NEK11: variants seen among roughly 807,000 people sequenced by gnomAD.
The protein encoded by NEK11 is serine/threonine-protein kinase Nek11.
A neutral mutation model predicts 80.7 loss-of-function variants in NEK11; 72 were observed. The observed-to-expected ratio is 0.89, with a 90% confidence interval of 0.74 to 1.08. The LOEUF is 1.08. Among genes scored for constraint, NEK11 ranks in the 50% least tolerant of loss-of-function variants. The pLI, the probability that NEK11 is intolerant of heterozygous loss-of-function variation, is 0.00. For synonymous variants in NEK11, 251 were observed against 260.7 expected, an observed-to-expected ratio of 0.96 and a Z score of 0.36; for missense variants, 764 against 763.6, an observed-to-expected ratio of 1.00 and a Z score of -0.01.
chr3:131,148,584 G>A (rs2088911071), intron 7 of NEK11, among the ~76,000 whole-genome samples: 1 of 151,786 alleles, frequency 6.6e-6, no homozygotes, highest in Non-Finnish European at 1.5e-5. Context: ...ACATTGGTAG[G>A]CAAAAACAAA....
chr3:131,100,351 C>G (rs999764787), intron 4 of NEK11, among the ~76,000 whole-genome samples: 1 of 152,144 alleles, frequency 6.6e-6, no homozygotes, highest in African/African-American at 2.4e-5. Flanking sequence ...AATCCCAGCA[C>G]TTTGGGAGGC....
At chr3:131,173,400 A>T (rs532389927) in intron 14 of NEK11, among the ~76,000 whole-genome samples, 2 of 152,250 alleles carry the variant, frequency 1.3e-5, no homozygotes, top group South Asian at 4.2e-4. Flanking sequence ...ATGCATAGGA[A>T]GCCCCAGGAC....
At chr3:131,319,016 T>C (rs2096871711) in intron 17 of NEK11, among the ~76,000 whole-genome samples, 2 of 151,974 alleles carry the variant, frequency 1.3e-5, no homozygotes, top group Non-Finnish European at 2.9e-5. Flanking sequence ...GGTTTTTGGG[T>C]TGTTTTCAGT....
intron 3 of NEK11, among the ~76,000 whole-genome samples, chr3:131,041,436 C>G (rs908998763): frequency 1.3e-5 from 2 of 152,050 alleles, no homozygotes; most frequent in African/African-American, 4.8e-5. Context: ...AAACTGACAA[C>G]AGTAGATAAT....
intron 3 of NEK11, among the ~76,000 whole-genome samples, chr3:131,062,670 T>G (rs1048332859): frequency 3.3e-5 from 5 of 152,212 alleles, no homozygotes; most frequent in Non-Finnish European, 5.9e-5. Context: ...CAGAACCATG[T>G]GGTATGGACT....
rs1426958048 is a variant in NEK11 at position 131,243,422 on chromosome 3, C to T, written c.1561-14C>T. On this transcript the variant is annotated splice_polypyrimidine_tract_variant and intron_variant, in intron 15 of 17. Coordinates refer to ENST00000383366, the MANE Select transcript of NEK11 (RefSeq NM_024800.5). ...CATACAGGGAAAATAAACATTTCTC[C>T]CTTATTTTGACAGGACAGTGATATC... The T allele has an allele frequency of 6.2e-7, 1 of 1,610,522 alleles. No individual in the cohort carries two copies. Among genetic ancestry groups the T allele is most frequent in the South Asian group, 1.1e-5 (1 of 90,810 alleles).
rs557180055 is a variant in NEK11, at chr3:131,244,819, G to C, written c.1621+1323G>C. Among the ~76,000 whole-genome samples the C allele has an allele frequency of 4.7e-4, 72 of 152,172 alleles. 1 individual carries two copies. In the Middle Eastern group the frequency reaches 0.01, roughly 22 times the overall value. On this transcript the variant is annotated intron_variant, in intron 16 of 17. Transcript: ENST00000383366. ...TGTGCCTGGAGTCCTAACTCCATGGGATGCTGAAACTAGGAGATTCCTTGA... is the reference window on the plus strand; with the variant it reads ...TGTGCCTGGAGTCCTAACTCCATGGCATGCTGAAACTAGGAGATTCCTTGA...
chr3:131,087,567 T>C (rs1195743602), intron 4 of NEK11, among the ~76,000 whole-genome samples: 1 of 152,188 alleles, frequency 6.6e-6, no homozygotes, highest in Non-Finnish European at 1.5e-5. Flanking sequence ...CTAATAGGCC[T>C]GCTAGTAACT....
At chr3:131,050,991 C>T (rs939698058) in intron 3 of NEK11, among the ~76,000 whole-genome samples, 2 of 152,164 alleles carry the variant, frequency 1.3e-5, no homozygotes, top group African/African-American at 4.8e-5. Context: ...TAGAATTGCA[C>T]CACAGCATCC....
intron 17 of NEK11, among the ~76,000 whole-genome samples, chr3:131,296,051 A>G (rs565930924): frequency 4.6e-5 from 7 of 151,970 alleles, no homozygotes; most frequent in Admixed American, 3.3e-4. Flanking sequence ...ATGATGTCCA[A>G]CCTGGTCTTG....
chr3:131,219,983 G>A (rs1046699062), intron 14 of NEK11, among the ~76,000 whole-genome samples: 13 of 152,202 alleles, frequency 8.5e-5, no homozygotes, highest in African/African-American at 3.1e-4. Context: ...GGCAGAATTT[G>A]ATTGCCATCT....
intron 5 of NEK11, among the ~76,000 whole-genome samples, chr3:131,116,917 T>G (rs540685484): frequency 1.3e-5 from 2 of 152,220 alleles, no homozygotes; most frequent in African/African-American, 4.8e-5. Flanking sequence ...TTTCTCCCAT[T>G]CTGTAGGTTG....
At chr3:131,132,506 G>A (rs992036630) in intron 5 of NEK11, among the ~76,000 whole-genome samples, 11 of 151,950 alleles carry the variant, frequency 7.2e-5, no homozygotes, top group African/African-American at 2.7e-4. Context: ...ATAGTTGAAA[G>A]CATATCACCG....
chr3:131,143,910 T>C (rs2087552594), intron 7 of NEK11, among the ~76,000 whole-genome samples: 1 of 152,148 alleles, frequency 6.6e-6, no homozygotes, highest in Admixed American at 6.6e-5. Flanking sequence ...TTCCATAGAT[T>C]GAACTGATTC....
At chr3:131,173,169 T>TGGAGTA (rs2092794908) in intron 14 of NEK11, among the ~76,000 whole-genome samples, 1 of 152,216 alleles carries the variant, frequency 6.6e-6, no homozygotes, top group Non-Finnish European at 1.5e-5. Context: ...GCTCTGCTCA[T>TGGAGTA]GGAGTAATCA....
intron 11 of NEK11, among the ~76,000 whole-genome samples, chr3:131,164,577 A>G (rs899224485): frequency 9.8e-5 from 15 of 152,382 alleles, no homozygotes; most frequent in African/African-American, 3.6e-4. Flanking sequence ...GGCAAATTTA[A>G]TAACATATAC....
chr3:131,168,807 A>G (rs772131764), intron 12 of NEK11, 23 bp from the exon 13 acceptor site: 1 of 1,579,098 alleles, frequency 6.3e-7, no homozygotes, highest in Non-Finnish European at 8.7e-7. Context: ...ACTGCTGAAC[A>G]GACTTTGTCA....
chr3:131,280,607 G>C (rs1472096945), intron 17 of NEK11, among the ~76,000 whole-genome samples: 1 of 152,078 alleles, frequency 6.6e-6, no homozygotes, highest in Non-Finnish European at 1.5e-5. Context: ...TTTGGTTTGA[G>C]TCTTTTTGTT....
At chr3:131,035,887 G>C (rs1022109131) in intron 3 of NEK11, among the ~76,000 whole-genome samples, 1 of 152,176 alleles carries the variant, frequency 6.6e-6, no homozygotes, top group Admixed American at 6.5e-5. Flanking sequence ...TGTTGTGGGA[G>C]CCCTAAGACC....
Sources: gnomAD v4.1 joint callset for allele counts (sites outside exome capture counted in the v4.1 genomes callset) on GRCh38, gnomAD v4.1.1 for gene constraint, MANE v1.5 for transcripts, NCBI Gene and HGNC (gene_info 2026-07-23, HGNC 2026-07-21) for gene names.